SYNDIG1L: variants seen among roughly 807,000 people sequenced by gnomAD.
SYNDIG1L encodes the protein synapse differentiation-inducing gene protein 1-like.
SYNDIG1L carries 13 observed loss-of-function variants against 20.1 expected under a neutral mutation model. The observed-to-expected ratio is 0.65, with a 90% CI of 0.42 to 1.03. SYNDIG1L has a LOEUF of 1.03. SYNDIG1L is among the 50% of genes least tolerant of loss of function. SYNDIG1L has a pLI of 0.00. For missense variants in SYNDIG1L, 294 were observed against 305.1 expected, an observed-to-expected ratio of 0.96 and a Z score of 0.27; for synonymous variants, 128 against 129.3, an observed-to-expected ratio of 0.99 and a Z score of 0.07.
At chr14:74,436,849 CAAA>C in the SYNDIG1L span, among the ~76,000 whole-genome samples, 26 of 89,302 alleles carry the variant, frequency 2.9e-4, no homozygotes, top group Non-Finnish European at 4.4e-4. Context: ...AAACTCGTCT[CAAA>C]AAAAAAAAAA....
the SYNDIG1L span, among the ~76,000 whole-genome samples, chr14:74,433,812 C>A: frequency 2.0e-5 from 3 of 152,180 alleles, no homozygotes; most frequent in Non-Finnish European, 4.4e-5. Flanking sequence ...CAGATTCCAA[C>A]CCAGGCAGCC....
chr14:74,437,188 T>C, the SYNDIG1L span, among the ~76,000 whole-genome samples: 1 of 152,362 alleles, frequency 6.6e-6, no homozygotes, highest in East Asian at 1.9e-4. Context: ...GCAGCTCTGA[T>C]GTCCTGGGAC....
At chr14:74,413,601 AT>A (rs201914438) in intron 1 of SYNDIG1L, among the ~76,000 whole-genome samples, 6,978 of 146,418 alleles carry the variant, frequency 0.048, 287 homozygotes, top group South Asian at 0.15. Context: ...TGTTTTCCAC[AT>A]TTTTTTTTTT....
chr14:74,430,259 C>T (rs150343150), upstream of SYNDIG1L, among the ~76,000 whole-genome samples: 493 of 152,256 alleles, frequency 3.2e-3, 1 homozygote, highest in African/African-American at 0.01. Flanking sequence ...AGCATTTGCA[C>T]CCTGGCAGAG....
chr14:74,477,551 TAA>T, the SYNDIG1L span, among the ~76,000 whole-genome samples: 2 of 152,324 alleles, frequency 1.3e-5, no homozygotes, highest in African/African-American at 4.8e-5. Flanking sequence ...CTGTTCCTTT[TAA>T]AAAAAGTCAA....
At chr14:74,450,397 G>A in the SYNDIG1L span, among the ~76,000 whole-genome samples, 1 of 152,164 alleles carries the variant, frequency 6.6e-6, no homozygotes, top group African/African-American at 2.4e-5. Flanking sequence ...GAAAAGTACA[G>A]AACAATATCC....
Position 74,407,449 on chromosome 14 carries a change from C to A in SYNDIG1L, c.*86G>T. Reference sequence around the variant, plus strand: ...ACTCTCACGGGATCATCTTCAGGGGCCGGGCCTTTCCATAGGGTCTGCAAC... The same window carrying A: ...ACTCTCACGGGATCATCTTCAGGGGACGGGCCTTTCCATAGGGTCTGCAAC... On this transcript the variant is annotated 3_prime_UTR_variant, in exon 4 of 4. Transcript: ENST00000331628. The A allele has an allele frequency of 6.4e-7, 1 of 1,569,044 alleles. No individual in the cohort carries two copies. Among genetic ancestry groups the A allele is most frequent in the Non-Finnish European group, 8.7e-7 (1 of 1,155,282 alleles).
chr14:74,465,987 G>T, the SYNDIG1L span, among the ~76,000 whole-genome samples: 1 of 152,214 alleles, frequency 6.6e-6, no homozygotes, highest in East Asian at 1.9e-4. Flanking sequence ...CAAGAGGAAG[G>T]CCAGCAGCAG....
At chr14:74,463,481 A>G in the SYNDIG1L span, among the ~76,000 whole-genome samples, 2 of 152,146 alleles carry the variant, frequency 1.3e-5, no homozygotes, top group Admixed American at 1.3e-4. Context: ...CCAGCCCCAT[A>G]GACTGTCTCA....
chr14:74,475,105 A>T, the SYNDIG1L span, among the ~76,000 whole-genome samples: 2 of 152,038 alleles, frequency 1.3e-5, no homozygotes, highest in Non-Finnish European at 2.9e-5. Context: ...AGAGGCCATC[A>T]GTCTTGAAAG....
In SYNDIG1L at chr14:74,409,703, C is replaced by T. The variant is rs371707384; in HGVS notation, c.42G>A (p.Arg14=). 2.2e-5 allele frequency: 33 copies of T among 1,470,788 alleles called. No individual in the cohort carries two copies. In the African/African-American group the frequency reaches 3.8e-4, roughly 17 times the overall value. 91.1% of individuals were successfully genotyped at this position (1,470,788 alleles called of 1,614,324 possible). The change falls in exon 2 of 4, where the codon AGG becomes AGA. Residue 14 remains arginine, a synonymous_variant. Transcript: ENST00000331628. ...AGGGGCCATGGAGATGGGCAGGGCT[C>T]CTGGGCAGCAGCGGGTTCTGTAGTT... ...LSELQNPLLP[R]SPAHLHGPYP...
intron 1 of SYNDIG1L, among the ~76,000 whole-genome samples, chr14:74,417,884 CA>C (rs2086189507): frequency 6.6e-6 from 1 of 152,082 alleles, no homozygotes; most frequent in Non-Finnish European, 1.5e-5. Flanking sequence ...TTTAGCAGCC[CA>C]GGGGTAGCTG....
At chr14:74,469,117 A>G in the SYNDIG1L span, among the ~76,000 whole-genome samples, 1 of 152,012 alleles carries the variant, frequency 6.6e-6, no homozygotes, top group African/African-American at 2.4e-5. Context: ...TAGGAAGAGG[A>G]CCAGGTCAGG....
Position 74,409,795 on chromosome 14 carries a change from T to G in SYNDIG1L, c.-51A>C. 7.1e-7 allele frequency: 1 copy of G among 1,403,010 alleles called. No homozygotes were observed. The highest frequency in any genetic ancestry group is 2.1e-5 in the South Asian group (1 of 48,386). 86.9% of individuals were successfully genotyped at this position (1,403,010 alleles called of 1,614,324 possible). On this transcript the variant is annotated 5_prime_UTR_variant, in exon 2 of 4. It removes the in-frame stop codon of an upstream open reading frame in the 5' UTR. Coordinates refer to ENST00000331628, the MANE Select transcript of SYNDIG1L (RefSeq NM_001105579.2). Reference sequence around the variant, plus strand: ...GGGGCCTGGGCCAGCTGAGCAGTCCTCAGAGCCTGTCAGAAGAGCAAGACA... The same window carrying G: ...GGGGCCTGGGCCAGCTGAGCAGTCCGCAGAGCCTGTCAGAAGAGCAAGACA...
chr14:74,428,151 C>A (rs370731499), upstream of SYNDIG1L, among the ~76,000 whole-genome samples: 25 of 152,326 alleles, frequency 1.6e-4, no homozygotes, highest in African/African-American at 5.5e-4. Context: ...ATTGGCTGTG[C>A]GACCTTAGGC....
At chr14:74,423,550 A>G (rs2086241077) in intron 1 of SYNDIG1L, among the ~76,000 whole-genome samples, 1 of 152,216 alleles carries the variant, frequency 6.6e-6, no homozygotes, top group African/African-American at 2.4e-5. Flanking sequence ...GGGCACTCAC[A>G]GAATAATTCG....
chr14:74,454,684 G>C, the SYNDIG1L span, among the ~76,000 whole-genome samples: 1 of 152,178 alleles, frequency 6.6e-6, no homozygotes, highest in Non-Finnish European at 1.5e-5. Flanking sequence ...ACACTCCCTT[G>C]TACCTACTCC....
chr14:74,430,284 G>A (rs1158262772), upstream of SYNDIG1L, among the ~76,000 whole-genome samples: 1 of 152,154 alleles, frequency 6.6e-6, no homozygotes, highest in East Asian at 1.9e-4. Context: ...CTGCACTCTT[G>A]GCACTTTCCC....
the SYNDIG1L span, among the ~76,000 whole-genome samples, chr14:74,456,100 T>C: frequency 2.6e-5 from 4 of 152,354 alleles, no homozygotes; most frequent in African/African-American, 9.6e-5. Context: ...TTCACCAGAT[T>C]GAGCCAAGGA....
Sources: allele counts gnomAD v4.1 joint callset (sites outside exome capture counted in the v4.1 genomes callset), GRCh38; gene constraint gnomAD v4.1.1; transcripts MANE v1.5; gene names NCBI Gene and HGNC (gene_info 2026-07-23, HGNC 2026-07-21).